Variants in NXPH1 observed in about 807,000 individuals in gnomAD.
NXPH1 encodes the protein neurexophilin-1.
In NXPH1, 5 loss-of-function variants were observed where a neutral mutation model predicts 23.7. The observed-to-expected ratio is 0.21, with a 90% confidence interval of 0.11 to 0.44. The LOEUF is 0.44. Among genes scored for constraint, NXPH1 ranks in the 20% least tolerant of loss-of-function variants. The pLI is 0.99. For synonymous variants in NXPH1, 144 were observed against 122.2 expected, an observed-to-expected ratio of 1.18 and a Z score of -1.18; for missense variants, 324 against 321.6, an observed-to-expected ratio of 1.01 and a Z score of -0.06.
At chr7:8,585,722 A>G (rs1584250616) in intron 2 of NXPH1, among the ~76,000 whole-genome samples, 2 of 152,378 alleles carry the variant, frequency 1.3e-5, no homozygotes, top group Middle Eastern at 6.8e-3. Flanking sequence ...TGCATCACAT[A>G]TGTTGAAACA....
At chr7:8,622,108 G>A (rs77497789) in intron 2 of NXPH1, among the ~76,000 whole-genome samples, 3,615 of 152,248 alleles carry the variant, frequency 0.024, 218 homozygotes, top group East Asian at 0.17. Context: ...CAGGCATTTA[G>A]AAAGCCTCTA....
chr7:8,650,876 T>C (rs1183914807), intron 2 of NXPH1, among the ~76,000 whole-genome samples: 2 of 152,208 alleles, frequency 1.3e-5, no homozygotes, highest in Non-Finnish European at 2.9e-5. Context: ...GTAAAGTAAA[T>C]GAACAAAACT....
At chr7:8,592,125 A>G (rs971751673) in intron 2 of NXPH1, among the ~76,000 whole-genome samples, 1 of 151,940 alleles carries the variant, frequency 6.6e-6, no homozygotes, top group Non-Finnish European at 1.5e-5. Context: ...GAAACCAAAG[A>G]GGTGTTAGGA....
At position 8,597,709 on chromosome 7, in the gene NXPH1, G is replaced by C. The variant is rs189302104; in HGVS notation, c.55-153299G>C. ...AGGATGTAAAAGGAGGATCCGGGTGGGGGGCGGGGGGGCAGTGTGGGGAGC... is the reference window on the plus strand; with the variant it reads ...AGGATGTAAAAGGAGGATCCGGGTGCGGGGCGGGGGGGCAGTGTGGGGAGC... On this transcript the variant is annotated intron_variant, in intron 2 of 2. Coordinates refer to ENST00000405863, the MANE Select transcript of NXPH1 (RefSeq NM_152745.3). Among the ~76,000 whole-genome samples the C allele has an allele frequency of 5.2e-4, 59 of 114,258 alleles. No individual in the cohort carries two copies. In the East Asian group the frequency reaches 0.013, roughly 26 times the overall value. 75.0% of individuals were successfully genotyped at this position (114,258 alleles called of 152,430 possible).
rs114623287 is a variant in NXPH1, at chr7:8,517,443, C to T, written c.54+81676C>T. Among the ~76,000 whole-genome samples the T allele has an allele frequency of 4.0e-3, 609 of 152,192 alleles. 5 individuals carry two copies. Among genetic ancestry groups the T allele is most frequent in the African/African-American group, 0.014 (566 of 41,538 alleles). ...AAGCATAGAAGCTGGGGGCACAGTTCGGTGCTGTCAGATGTAAATTTTGTT... is the reference window on the plus strand; with the variant it reads ...AAGCATAGAAGCTGGGGGCACAGTTTGGTGCTGTCAGATGTAAATTTTGTT... On this transcript the variant is annotated intron_variant, in intron 2 of 2. Coordinates refer to ENST00000405863, the MANE Select transcript of NXPH1 (RefSeq NM_152745.3).
chr7:8,588,919 T>C (rs1819035126), intron 2 of NXPH1, among the ~76,000 whole-genome samples: 2 of 152,188 alleles, frequency 1.3e-5, no homozygotes, highest in Admixed American at 1.3e-4. Context: ...ACAATTTATT[T>C]ACATGCATGC....
chr7:8,595,465 A>G (rs1189598574), intron 2 of NXPH1, among the ~76,000 whole-genome samples: 1 of 152,090 alleles, frequency 6.6e-6, no homozygotes, highest in Non-Finnish European at 1.5e-5. Flanking sequence ...TTGGTAAAAT[A>G]TATTGTAAAC....
intron 2 of NXPH1, among the ~76,000 whole-genome samples, chr7:8,689,003 T>C (rs191517281): frequency 2.6e-5 from 4 of 152,310 alleles, no homozygotes; most frequent in African/African-American, 7.2e-5. Context: ...TCCTTAATTA[T>C]TACAGCACCA....
At chr7:8,724,144 C>G (rs1207283905) in intron 2 of NXPH1, among the ~76,000 whole-genome samples, 1 of 152,148 alleles carries the variant, frequency 6.6e-6, no homozygotes, top group Admixed American at 6.6e-5. Flanking sequence ...CACTAAAGCT[C>G]ACAGAATAGG....
At chr7:8,577,634 ACAT>A (rs896857537) in intron 2 of NXPH1, among the ~76,000 whole-genome samples, 1 of 152,200 alleles carries the variant, frequency 6.6e-6, no homozygotes, top group African/African-American at 2.4e-5. Flanking sequence ...AGAGAAAATG[ACAT>A]CATCTGTGGA....
chr7:8,513,527 A>T (rs1419622557), intron 2 of NXPH1, among the ~76,000 whole-genome samples: 1 of 152,150 alleles, frequency 6.6e-6, no homozygotes, highest in African/African-American at 2.4e-5. Context: ...TAGATGCTAC[A>T]TGCATCTATT....
chr7:8,476,895 T>C (rs1816983335), intron 2 of NXPH1, among the ~76,000 whole-genome samples: 1 of 152,112 alleles, frequency 6.6e-6, no homozygotes, highest in African/African-American at 2.4e-5. Flanking sequence ...TATAGAACTA[T>C]TCCCAGAGCT....
At chr7:8,491,754 G>A (rs1296699488) in intron 2 of NXPH1, among the ~76,000 whole-genome samples, 2 of 152,056 alleles carry the variant, frequency 1.3e-5, no homozygotes, top group African/African-American at 4.8e-5. Context: ...ACCAGCTCAT[G>A]ATGAAAGCAC....
intron 2 of NXPH1, among the ~76,000 whole-genome samples, chr7:8,587,552 G>A (rs954432789): frequency 6.6e-6 from 1 of 152,038 alleles, no homozygotes; most frequent in Admixed American, 6.6e-5. Flanking sequence ...TTGTTACATA[G>A]GCATACACGT....
At chr7:8,741,924 T>C (rs1780374614) in intron 2 of NXPH1, among the ~76,000 whole-genome samples, 1 of 151,992 alleles carries the variant, frequency 6.6e-6, no homozygotes, top group Non-Finnish European at 1.5e-5. Flanking sequence ...AAGAACATCT[T>C]TCAAATATTC....
In NXPH1 at chr7:8,752,954, A is replaced by G. The variant is rs1253453060; in HGVS notation, c.*1185A>G. 2.0e-5 allele frequency: 3 copies of G among 152,538 alleles called. No homozygotes were observed. In the East Asian group the frequency reaches 5.8e-4, roughly 29 times the overall value. 9.4% of individuals were successfully genotyped at this position (152,538 alleles called of 1,614,324 possible). ...CATAAAAATAAAACACTTAAAGTTG[A>G]GTTTCAATATGTACTTGTGTAAGAT... On this transcript the variant is annotated 3_prime_UTR_variant, in exon 3 of 3. Coordinates refer to ENST00000405863, the MANE Select transcript of NXPH1 (RefSeq NM_152745.3).
chr7:8,489,176 C>T (rs1817208527), intron 2 of NXPH1, among the ~76,000 whole-genome samples: 1 of 152,022 alleles, frequency 6.6e-6, no homozygotes, highest in Non-Finnish European at 1.5e-5. Context: ...AACGTCTGTC[C>T]CCACGTGCTG....
intron 2 of NXPH1, among the ~76,000 whole-genome samples, chr7:8,704,282 T>C (rs948305223): frequency 1.3e-5 from 2 of 152,096 alleles, no homozygotes; most frequent in African/African-American, 4.8e-5. Flanking sequence ...TGGCATACTA[T>C]GAAGGAAGGA....
intron 2 of NXPH1, among the ~76,000 whole-genome samples, chr7:8,584,923 G>A (rs922908529): frequency 6.6e-6 from 1 of 152,086 alleles, no homozygotes; most frequent in African/African-American, 2.4e-5. Context: ...GACCACATAG[G>A]AATTGCTTTG....
Sources: allele counts gnomAD v4.1 joint callset (sites outside exome capture counted in the v4.1 genomes callset), GRCh38; gene constraint gnomAD v4.1.1; transcripts MANE v1.5; gene names NCBI Gene and HGNC (gene_info 2026-07-23, HGNC 2026-07-21).